The following USP13 variants were observed in gnomAD, a reference collection of about 807,000 sequenced individuals.
The protein encoded by USP13 is ubiquitin specific peptidase 13.
Under a neutral mutation model 107.8 loss-of-function variants are expected in USP13, and 68 were observed. That is an observed-to-expected ratio of 0.63 (90% CI 0.52 to 0.77). The LOEUF (loss-of-function observed/expected upper bound fraction) is 0.77. USP13 is among the 30% of genes least tolerant of loss of function. The pLI is 0.00. For missense variants in USP13, 945 were observed against 1,093.3 expected, an observed-to-expected ratio of 0.86 and a Z score of 1.91; for synonymous variants, 377 against 389.5, an observed-to-expected ratio of 0.97 and a Z score of 0.38.
intron 4 of USP13, among the ~76,000 whole-genome samples, chr3:179,704,627 C>T (rs1712649629): frequency 6.6e-6 from 1 of 152,048 alleles, no homozygotes; most frequent in African/African-American, 2.4e-5. Flanking sequence ...ATGTCCCAAA[C>T]CCATAAAGCC....
intron 8 of USP13, among the ~76,000 whole-genome samples, chr3:179,726,065 C>T (rs1340677209): frequency 6.6e-6 from 1 of 151,946 alleles, no homozygotes; most frequent in African/African-American, 2.4e-5. Context: ...GTGATGCATG[C>T]TAAGAAGAAA....
intron 6 of USP13, among the ~76,000 whole-genome samples, chr3:179,716,344 T>C (rs1713112829): frequency 6.6e-6 from 1 of 152,212 alleles, no homozygotes; most frequent in East Asian, 1.9e-4. Flanking sequence ...GGGCCTAGGA[T>C]AAGGGCATAA....
chr3:179,677,756 C>T (rs533889712), intron 1 of USP13, among the ~76,000 whole-genome samples: 2 of 152,008 alleles, frequency 1.3e-5, no homozygotes, highest in South Asian at 4.2e-4. Context: ...TTTTGTTCTT[C>T]TGATTGCTAA....
chr3:179,682,281 G>A (rs1711689105), intron 2 of USP13, among the ~76,000 whole-genome samples: 1 of 148,334 alleles, frequency 6.7e-6, no homozygotes. Context: ...TAAAAATACA[G>A]AAAAGTACAG....
intron 15 of USP13, among the ~76,000 whole-genome samples, chr3:179,756,682 C>T (rs1002187071): frequency 2.6e-5 from 4 of 152,106 alleles, no homozygotes; most frequent in African/African-American, 9.7e-5. Context: ...CACCTGAGCC[C>T]AGGAGGTCGA....
intron 7 of USP13, 34 bp downstream of exon 7, chr3:179,720,068 C>T: frequency 8.3e-6 from 13 of 1,566,892 alleles, no homozygotes; most frequent in Non-Finnish European, 1.1e-5. Context: ...TTCCATCTTG[C>T]ATGGGGTAGG....
intron 13 of USP13, among the ~76,000 whole-genome samples, chr3:179,751,525 G>A (rs1426944813): frequency 6.6e-6 from 1 of 152,100 alleles, no homozygotes; most frequent in African/African-American, 2.4e-5. Context: ...AAGTGGAGGT[G>A]GGGGTGTTTC....
intron 3 of USP13, among the ~76,000 whole-genome samples, chr3:179,693,803 A>T (rs1455881256): frequency 1.3e-5 from 2 of 151,720 alleles, no homozygotes; most frequent in Non-Finnish European, 2.9e-5. Context: ...CCTCCCGAGT[A>T]GCTGGGATTA....
chr3:179,744,359 TG>T (rs1714320506), intron 12 of USP13, among the ~76,000 whole-genome samples: 42 of 148,042 alleles, frequency 2.8e-4, no homozygotes, highest in African/African-American at 9.3e-4. Context: ...TTTTTTGTTT[TG>T]TTTTGTTTTT....
chr3:179,785,275 C>T lies in USP13; in HGVS notation c.*1134C>T, dbSNP rs979147467. 6.6e-6 allele frequency: 1 copy of T among 152,140 alleles called. No individual in the cohort carries two copies. Among genetic ancestry groups the T allele is most frequent in the Admixed American group, 6.5e-5 (1 of 15,276 alleles). 9.4% of individuals were successfully genotyped at this position (152,140 alleles called of 1,614,324 possible). A position where few individuals can be genotyped will look rare whatever the true frequency, so the allele number is the denominator to read the frequency against. On this transcript the variant is annotated 3_prime_UTR_variant, in exon 21 of 21. Coordinates refer to ENST00000263966, the MANE Select transcript of USP13 (RefSeq NM_003940.3). ...TCTCTGCCTTTTTTTGGTGTATCAC[C>T]TTCTGACTTGCCTTCATTGCTTGTC...
chr3:179,709,091 T>G, intron 6 of USP13, 134 bp downstream of exon 6: 1 of 1,122,464 alleles, frequency 8.9e-7, no homozygotes, highest in Admixed American at 2.9e-5. Context: ...ATTCTGCCTC[T>G]TATTAGTTTT....
At chr3:179,714,116 G>A (rs1185955564) in intron 6 of USP13, among the ~76,000 whole-genome samples, 3 of 152,170 alleles carry the variant, frequency 2.0e-5, no homozygotes, top group East Asian at 1.9e-4. Context: ...AAGGGAGTAG[G>A]GCAGGACGGA....
At chr3:179,718,109 G>C (rs958726383) in intron 6 of USP13, among the ~76,000 whole-genome samples, 3 of 152,032 alleles carry the variant, frequency 2.0e-5, no homozygotes, top group Admixed American at 2.0e-4. Flanking sequence ...GTCCCTAAGA[G>C]TGATATCTTC....
intron 2 of USP13, among the ~76,000 whole-genome samples, chr3:179,685,982 A>G (rs1711860090): frequency 6.6e-6 from 1 of 152,048 alleles, no homozygotes; most frequent in South Asian, 2.1e-4. Flanking sequence ...CAGAACTCCA[A>G]ACAGTTGCTC....
chr3:179,677,040 T>C (rs1216429187), intron 1 of USP13, among the ~76,000 whole-genome samples: 1 of 151,954 alleles, frequency 6.6e-6, no homozygotes, highest in African/African-American at 2.4e-5. Context: ...GTATTTTTAG[T>C]AGAGACTGGA....
chr3:179,752,193 G>C, intron 13 of USP13, 92 bp from the exon 14 acceptor site: 2 of 1,114,936 alleles, frequency 1.8e-6, no homozygotes, highest in Non-Finnish European at 2.7e-6. Flanking sequence ...GGAATGGCCA[G>C]GTGTGCCTCA....
At chr3:179,769,481 C>G (rs900300428) in intron 19 of USP13, among the ~76,000 whole-genome samples, 1 of 152,104 alleles carries the variant, frequency 6.6e-6, no homozygotes, top group Non-Finnish European at 1.5e-5. Flanking sequence ...GATCTTGGCT[C>G]ATTGCAGCCT....
intron 12 of USP13, among the ~76,000 whole-genome samples, chr3:179,743,325 A>G (rs1182574874): frequency 6.6e-6 from 1 of 150,578 alleles, no homozygotes; most frequent in Non-Finnish European, 1.5e-5. Context: ...GCACACATAT[A>G]CTTATGTAAC....
In USP13 at chr3:179,751,995, G is replaced by A. The variant is rs138100213; in HGVS notation, c.1710-290G>A. Among the ~76,000 whole-genome samples the A allele has an allele frequency of 2.3e-3, 345 of 152,150 alleles. 4 individuals are homozygous for A. The highest frequency in any genetic ancestry group is 8.0e-3 in the African/African-American group (334 of 41,522). On this transcript the variant is annotated intron_variant, in intron 13 of 20. Coordinates refer to ENST00000263966, the MANE Select transcript of USP13 (RefSeq NM_003940.3). ...TGACCTCAGGTGATCTGCCCACCTCGGCCTCCCAAAGTGCTGGGATTACAG... is the reference window on the plus strand; with the variant it reads ...TGACCTCAGGTGATCTGCCCACCTCAGCCTCCCAAAGTGCTGGGATTACAG...
Sources: gnomAD v4.1 joint callset for allele counts (sites outside exome capture counted in the v4.1 genomes callset) on GRCh38, gnomAD v4.1.1 for gene constraint, MANE v1.5 for transcripts, NCBI Gene and HGNC (gene_info 2026-07-23, HGNC 2026-07-21) for gene names.